Variants in TREH observed in about 807,000 individuals in gnomAD.
TREH encodes trehalase, also known as alpha,alpha-trehalose glucohydrolase.
TREH carries 69 observed loss-of-function variants against 80.5 expected under a neutral mutation model. The observed-to-expected ratio is 0.86, with a 90% CI of 0.71 to 1.05. The LOEUF is 1.05. TREH is among the 50% of genes least tolerant of loss of function. The pLI is 0.00. For missense variants in TREH, 716 were observed against 718.8 expected (o/e 1.00, Z 0.04); for synonymous variants, 309 against 293.5 (o/e 1.05, Z -0.54).
At chr11:118,670,181 T>C (rs1949418344) in intron 1 of TREH, among the ~76,000 whole-genome samples, 1 of 152,192 alleles carries the variant, frequency 6.6e-6, no homozygotes, top group Admixed American at 6.5e-5. Flanking sequence ...GCCCCACCTC[T>C]CCAAACACAC....
intron 11 of TREH, 116 bp downstream of exon 11, chr11:118,659,631 G>T: frequency 7.2e-7 from 1 of 1,390,616 alleles, no homozygotes; most frequent in Non-Finnish European, 9.8e-7. Flanking sequence ...GGTGGGACCC[G>T]CAGGCTGGGA....
At chr11:118,660,977 G>C in intron 8 of TREH, 62 bp from the exon 9 acceptor site, 14 of 1,550,436 alleles carry the variant, frequency 9.0e-6, no homozygotes, top group Non-Finnish European at 1.2e-5. Context: ...CTGTGGTCAA[G>C]AAGAGGCTGA....
intron 1 of TREH, among the ~76,000 whole-genome samples, chr11:118,669,162 TA>T (rs34485469): frequency 3.3e-5 from 5 of 152,136 alleles, no homozygotes; most frequent in Admixed American, 2.0e-4. Flanking sequence ...TCATCCCTAT[TA>T]AAATGGCTTT....
chr11:118,659,906 C>T lies in TREH; in HGVS notation c.1161G>A (p.Leu387=). 6.4e-7 allele frequency: 1 copy of T among 1,551,778 alleles called. No individual in the cohort carries two copies. Among genetic ancestry groups the T allele is most frequent in the Non-Finnish European group, 8.7e-7 (1 of 1,147,026 alleles). The change falls in exon 11 of 15, where the codon CTG becomes CTA. Residue 387 remains leucine, a synonymous_variant. Coordinates refer to ENST00000264029, the MANE Select transcript of TREH (RefSeq NM_007180.3). ...RILRSQRLAA[L]NTVLWDEQTG... is the part of the protein sequence containing the mutation. ...TCTGCTCATCCCACAGGACTGTGTTCAGGGCGGCCAAGCGCTGCGACCGCA... is the reference window on the plus strand; with the variant it reads ...TCTGCTCATCCCACAGGACTGTGTTTAGGGCGGCCAAGCGCTGCGACCGCA...
At position 118,658,428 on chromosome 11, in the gene TREH, C is replaced by A; in HGVS notation, c.1613G>T (p.Trp538Leu). ...CAGCATCAGGACCACGCCATTCGTC[C>A]AGCCAAATCCCTCCTGGGAGAGGCA... Reference protein sequence around the residue: ...GEYEVQEGFGWTNGVVLMLLD... With the variant: ...GEYEVQEGFGLTNGVVLMLLD... The change falls in exon 15 of 15, where the codon TGG becomes TTG. Residue 538 changes from tryptophan (W) to leucine (L), a missense_variant. Transcript: ENST00000264029. The A allele has an allele frequency of 6.2e-7, 1 of 1,611,076 alleles. No homozygotes were observed. Among genetic ancestry groups the A allele is most frequent in the Non-Finnish European group, 8.5e-7 (1 of 1,179,382 alleles).
chr11:118,666,661 C>T (rs942764860), intron 1 of TREH, among the ~76,000 whole-genome samples: 6 of 152,114 alleles, frequency 3.9e-5, no homozygotes, highest in African/African-American at 1.4e-4. Flanking sequence ...TTTTTGGGGC[C>T]TTTGGATTGT....
At chr11:118,671,734 C>T (rs1395691611) in intron 1 of TREH, among the ~76,000 whole-genome samples, 1 of 151,968 alleles carries the variant, frequency 6.6e-6, no homozygotes, top group Admixed American at 6.6e-5. Flanking sequence ...CAAAGACTAC[C>T]TCAAGGCATT....
At chr11:118,662,762 G>A (rs1555145207) in intron 4 of TREH, 119 bp downstream of exon 4, 4 of 1,178,852 alleles carry the variant, frequency 3.4e-6, no homozygotes, top group Non-Finnish European at 3.6e-6. Flanking sequence ...CCAGGGGCCA[G>A]GGACTGGTTT....
intron 1 of TREH, among the ~76,000 whole-genome samples, chr11:118,677,251 G>T (rs539364206): frequency 4.1e-4 from 62 of 152,344 alleles, no homozygotes; most frequent in African/African-American, 1.4e-3. Context: ...ACTCAGGTGA[G>T]CTTTTGTGAT....
At chr11:118,669,099 A>C (rs930768260) in intron 1 of TREH, among the ~76,000 whole-genome samples, 1 of 152,242 alleles carries the variant, frequency 6.6e-6, no homozygotes, top group African/African-American at 2.4e-5. Context: ...AAAGGTGCTC[A>C]ATATAATTGA....
intron 4 of TREH, 89 bp from the exon 5 acceptor site, chr11:118,662,079 C>T (rs1591830424): frequency 1.9e-6 from 2 of 1,067,934 alleles, no homozygotes; most frequent in Non-Finnish European, 2.8e-6. Context: ...CCCCGGGAGT[C>T]ACAGCTTTGG....
At chr11:118,658,620 C>T in intron 14 of TREH, 60 bp downstream of exon 14, 1 of 1,549,656 alleles carries the variant, frequency 6.5e-7, no homozygotes, top group South Asian at 1.2e-5. Context: ...GGGCGGGGGT[C>T]ATGAGCAGCA....
At position 118,658,709 on chromosome 11, in the gene TREH, G is replaced by A; in HGVS notation, c.1570C>T (p.Pro524Ser). The A allele has an allele frequency of 6.2e-7, 1 of 1,603,158 alleles. No individual in the cohort carries two copies. Among genetic ancestry groups the A allele is most frequent in the Admixed American group, 1.7e-5 (1 of 58,176 alleles). Residue 524 changes from proline (P) to serine (S), a missense_variant, in exon 14 of 15, where the codon CCC becomes TCC. Transcript: ENST00000264029. The part of the protein sequence containing the change: ...EKYDVSNGGQ[P>S]GGGGEYEVQE... ...ACTTCATATTCTCCTCCCCCACCGG[G>A]CTGTCCACCGTTGCTGACGTCATAC...
chr11:118,659,269 C>T (rs1426436942), intron 12 of TREH, 101 bp downstream of exon 12: 201 of 1,015,802 alleles, frequency 2.0e-4, no homozygotes, highest in Admixed American at 8.6e-5. Context: ...AGAAAGGATA[C>T]GGGGCCTCTT....
intron 1 of TREH, among the ~76,000 whole-genome samples, chr11:118,669,058 G>A (rs1333264195): frequency 6.6e-6 from 1 of 152,102 alleles, no homozygotes; most frequent in Non-Finnish European, 1.5e-5. Context: ...AAGTAAAAAA[G>A]AAGACATACA....
intron 1 of TREH, among the ~76,000 whole-genome samples, chr11:118,677,903 A>G (rs1165856473): frequency 3.3e-5 from 5 of 152,138 alleles, no homozygotes; most frequent in African/African-American, 4.8e-5. Flanking sequence ...CCTCATTACA[A>G]TTGCTCAGGA....
At chr11:118,658,491 TTGG>T (rs1555143946) in intron 14 of TREH, 50 bp from the exon 15 acceptor site, 2 of 1,591,602 alleles carry the variant, frequency 1.3e-6, no homozygotes, top group Non-Finnish European at 8.5e-7. Context: ...CCTCATACCC[TTGG>T]TGGGGGCTGT....
chr11:118,679,315 G>A (rs1475181173), intron 1 of TREH, among the ~76,000 whole-genome samples: 1 of 152,074 alleles, frequency 6.6e-6, no homozygotes, highest in Non-Finnish European at 1.5e-5. Context: ...CCATCTGGAC[G>A]ACCGAGCAAG....
chr11:118,663,372 G>A lies in TREH; in HGVS notation c.157C>T (p.Gln53Ter). ...QMAKLYQDDK[Q>*]FVDMPLSIAP... ...ATAGACAGTGGCATGTCCACAAACTGCTTGTCATCCTGGTAGAGCTTGGCC... is the reference window on the plus strand; with the variant it reads ...ATAGACAGTGGCATGTCCACAAACTACTTGTCATCCTGGTAGAGCTTGGCC... Residue 53 changes from glutamine (Q) to a stop codon, truncating the protein, a stop_gained, in exon 2 of 15, where the codon CAG (glutamine) becomes TAG (stop). Coordinates refer to ENST00000264029, the MANE Select transcript of TREH (RefSeq NM_007180.3). LOFTEE classifies it high-confidence loss of function. The A allele has an allele frequency of 6.3e-7, 1 of 1,597,456 alleles. No individual in the cohort carries two copies. Among genetic ancestry groups the A allele is most frequent in the Non-Finnish European group, 8.5e-7 (1 of 1,171,946 alleles).
Sources: allele counts gnomAD v4.1 joint callset (sites outside exome capture counted in the v4.1 genomes callset), GRCh38; gene constraint gnomAD v4.1.1; transcripts MANE v1.5; gene names NCBI Gene and HGNC (gene_info 2026-07-23, HGNC 2026-07-21).